Variants in ADAMTSL1 observed in about 807,000 individuals in gnomAD.
ADAMTSL1 encodes ADAMTS-like protein 1.
In ADAMTSL1, 126 loss-of-function variants were observed where a neutral mutation model predicts 201.8. That is an observed-to-expected ratio of 0.62 (90% CI 0.54 to 0.72). The LOEUF (loss-of-function observed/expected upper bound fraction) is 0.72, where lower values mean the gene tolerates loss of function less well. ADAMTSL1 is among the 30% of genes least tolerant of loss of function. ADAMTSL1 has a pLI of 0.00. For missense variants in ADAMTSL1, 2,679 were observed against 2,277.8 expected (o/e 1.18, Z -3.59); for synonymous variants, 1,121 against 903.4 (o/e 1.24, Z -4.32).
chr9:18,135,691 G>T (rs985838410), intron 1 of ADAMTSL1, among the ~76,000 whole-genome samples: 5 of 152,000 alleles, frequency 3.3e-5, no homozygotes, highest in East Asian at 1.9e-4. Context: ...CCATATGCAT[G>T]TATATCACAT....
intron 2 of ADAMTSL1, among the ~76,000 whole-genome samples, chr9:18,332,846 G>A (rs1231751326): frequency 6.6e-6 from 1 of 152,074 alleles, no homozygotes; most frequent in Non-Finnish European, 1.5e-5. Context: ...AAGAGCATAA[G>A]GTTGGGATCC....
intron 13 of ADAMTSL1, among the ~76,000 whole-genome samples, chr9:18,693,572 G>A (rs933966695): frequency 1.3e-5 from 2 of 152,154 alleles, no homozygotes; most frequent in African/African-American, 2.4e-5. Flanking sequence ...GTTTCTTAGA[G>A]TCTTTTGGCT....
At chr9:18,535,133 C>G (rs943079679) in intron 3 of ADAMTSL1, among the ~76,000 whole-genome samples, 3 of 152,174 alleles carry the variant, frequency 2.0e-5, no homozygotes, top group Non-Finnish European at 2.9e-5. Context: ...GTTTTATGCT[C>G]TGCTTCCTCT....
intron 1 of ADAMTSL1, among the ~76,000 whole-genome samples, chr9:17,959,412 T>C (rs1817633226): frequency 6.6e-6 from 1 of 152,176 alleles, no homozygotes; most frequent in African/African-American, 2.4e-5. Flanking sequence ...GTATTTGAAA[T>C]ATGTGACAAT....
intron 1 of ADAMTSL1, among the ~76,000 whole-genome samples, chr9:17,945,394 G>A (rs1279928694): frequency 2.3e-5 from 3 of 130,166 alleles, no homozygotes; most frequent in Admixed American, 7.7e-5. Flanking sequence ...CAACCATTGT[G>A]GAAGTCAGTG....
chr9:18,199,150 C>G (rs1011526861), intron 2 of ADAMTSL1, among the ~76,000 whole-genome samples: 10 of 151,326 alleles, frequency 6.6e-5, no homozygotes, highest in African/African-American at 2.2e-4. Context: ...GGAAGATATA[C>G]CTAATGCTAG....
intron 1 of ADAMTSL1, among the ~76,000 whole-genome samples, chr9:18,062,469 A>C (rs909704634): frequency 6.6e-6 from 1 of 152,182 alleles, no homozygotes; most frequent in Non-Finnish European, 1.5e-5. Flanking sequence ...AAATTATACA[A>C]TAATCAATTA....
intron 2 of ADAMTSL1, among the ~76,000 whole-genome samples, chr9:18,178,116 G>C (rs961805883): frequency 6.6e-6 from 1 of 152,192 alleles, no homozygotes; most frequent in African/African-American, 2.4e-5. Flanking sequence ...CTGAGGTAGC[G>C]GGTTCATCTC....
At chr9:18,132,418 C>A (rs1299475451) in intron 1 of ADAMTSL1, among the ~76,000 whole-genome samples, 2 of 152,198 alleles carry the variant, frequency 1.3e-5, no homozygotes, top group African/African-American at 2.4e-5. Flanking sequence ...TCATCCCAAA[C>A]TGAAACTCTA....
chr9:18,337,279 T>A (rs1397689056), intron 2 of ADAMTSL1, among the ~76,000 whole-genome samples: 2 of 152,096 alleles, frequency 1.3e-5, no homozygotes, highest in Non-Finnish European at 2.9e-5. Flanking sequence ...TGCCAGGGGC[T>A]CTAGGGCCTT....
intron 1 of ADAMTSL1, among the ~76,000 whole-genome samples, chr9:17,957,402 G>T (rs949757211): frequency 6.6e-6 from 1 of 152,074 alleles, no homozygotes; most frequent in Non-Finnish European, 1.5e-5. Context: ...CAATGGACTC[G>T]ACAGATGCCA....
At chr9:18,685,637 G>A (rs1177323009) in intron 13 of ADAMTSL1, among the ~76,000 whole-genome samples, 3 of 152,172 alleles carry the variant, frequency 2.0e-5, no homozygotes, top group Admixed American at 2.0e-4. Context: ...CCCTCCAAGA[G>A]TTAATAGTGG....
At chr9:18,669,844 C>G (rs893525368) in intron 9 of ADAMTSL1, among the ~76,000 whole-genome samples, 1 of 152,022 alleles carries the variant, frequency 6.6e-6, no homozygotes, top group Non-Finnish European at 1.5e-5. Flanking sequence ...TTAGTTTTTG[C>G]GGATGGCCAA....
intron 16 of ADAMTSL1, among the ~76,000 whole-genome samples, chr9:18,764,095 A>G (rs1820231207): frequency 1.3e-5 from 2 of 152,114 alleles, no homozygotes; most frequent in African/African-American, 4.8e-5. Context: ...TAGTAAGGGT[A>G]TTTTACCATA....
chr9:18,636,318 C>G (rs1827110653), intron 6 of ADAMTSL1, among the ~76,000 whole-genome samples: 1 of 152,126 alleles, frequency 6.6e-6, no homozygotes, highest in Non-Finnish European at 1.5e-5. Flanking sequence ...CTTTCTTCTT[C>G]CTTTCCAATC....
At chr9:18,198,330 A>C (rs1350694734) in intron 2 of ADAMTSL1, among the ~76,000 whole-genome samples, 4 of 146,388 alleles carry the variant, frequency 2.7e-5, no homozygotes, top group Admixed American at 6.8e-5. Context: ...CAACCTACAA[A>C]ATGGGAGAAA....
intron 19 of ADAMTSL1, among the ~76,000 whole-genome samples, chr9:18,786,805 A>G (rs1044871437): frequency 2.0e-5 from 3 of 152,234 alleles, no homozygotes; most frequent in Admixed American, 6.5e-5. Flanking sequence ...TTCTACTGAC[A>G]TTCTTTGCTA....
At chr9:17,997,815 T>G (rs943134007) in intron 1 of ADAMTSL1, among the ~76,000 whole-genome samples, 19 of 151,912 alleles carry the variant, frequency 1.3e-4, no homozygotes, top group African/African-American at 4.4e-4. Context: ...TATGGAAAAA[T>G]TTGGGGAAAA....
intron 2 of ADAMTSL1, among the ~76,000 whole-genome samples, chr9:18,338,587 C>T (rs944156220): frequency 2.6e-5 from 4 of 152,102 alleles, no homozygotes; most frequent in African/African-American, 7.2e-5. Context: ...GCTGGAACTA[C>T]AGGGGTATGC....
Sources: allele counts gnomAD v4.1 joint callset (sites outside exome capture counted in the v4.1 genomes callset), GRCh38; gene constraint gnomAD v4.1.1; transcripts MANE v1.5; gene names NCBI Gene and HGNC (gene_info 2026-07-23, HGNC 2026-07-21).